Variants in SSBP4 observed in about 807,000 individuals in gnomAD.
SSBP4 encodes single stranded DNA binding protein 4.
In SSBP4, 33 loss-of-function variants were observed where a neutral mutation model predicts 64.6. That is an observed-to-expected ratio of 0.51 (90% confidence interval 0.39 to 0.68). The LOEUF is 0.68. Ranked by LOEUF, SSBP4 falls within the 30% of genes least tolerant of loss-of-function variation. The pLI is 0.00. For synonymous variants in SSBP4, 243 were observed against 224.0 expected (o/e 1.08, Z -0.76); for missense variants, 583 against 566.8 (o/e 1.03, Z -0.29).
Position 18,432,900 on chromosome 19 carries a change from G to A in SSBP4, c.841+17G>A. ...GCCCTGGAGGTATGGCCTAGTAAGA[G>A]GTGGGGGTGTGCTAGGGTGGGTGTG... On this transcript the variant is annotated intron_variant, in intron 13 of 17. Coordinates refer to ENST00000270061, the MANE Select transcript of SSBP4 (RefSeq NM_032627.5). The A allele has an allele frequency of 6.2e-7, 1 of 1,614,030 alleles. No individual in the cohort carries two copies. Among genetic ancestry groups the A allele is most frequent in the African/African-American group, 1.3e-5 (1 of 75,022 alleles).
chr19:18,409,737 C>T, the SSBP4 span, among the ~76,000 whole-genome samples: 2 of 152,044 alleles, frequency 1.3e-5, no homozygotes, highest in Admixed American at 6.6e-5. Context: ...CCAGGCTGGC[C>T]TCAAATTGCT....
chr19:18,419,730 G>C (rs1437530995), intron 1 of SSBP4, 23 bp downstream of exon 1: 3 of 1,141,318 alleles, frequency 2.6e-6, no homozygotes, highest in African/African-American at 1.6e-5. Context: ...CCGGGGGCGG[G>C]GCTCGGCGTC....
Position 18,434,384 on chromosome 19 carries a change from G to A in SSBP4, c.*138G>A, listed in dbSNP as rs1973838210. On this transcript the variant is annotated 3_prime_UTR_variant, in exon 18 of 18. Coordinates refer to ENST00000270061, the MANE Select transcript of SSBP4 (RefSeq NM_032627.5). ...CTTGCCCAGCTGGGAGGCCCCACACGAAAGACTCTTACCATTTTATTAAAA... is the reference window on the plus strand; with the variant it reads ...CTTGCCCAGCTGGGAGGCCCCACACAAAAGACTCTTACCATTTTATTAAAA... 2 of 1,417,676 alleles carry A rather than the reference G, an allele frequency of 1.4e-6. No individual in the cohort carries two copies. Among genetic ancestry groups the A allele is most frequent in the Non-Finnish European group, 1.9e-6 (2 of 1,077,032 alleles). 87.8% of individuals were successfully genotyped at this position (1,417,676 alleles called of 1,614,324 possible). A position where few individuals can be genotyped will look rare whatever the true frequency, so the allele number is the denominator to read the frequency against.
Position 18,433,705 on chromosome 19 carries a change from C to T in SSBP4, c.1021-5C>T. 1 of 1,429,908 alleles carries T rather than the reference C, an allele frequency of 7.0e-7. No homozygotes were observed. Among genetic ancestry groups the T allele is most frequent in the Non-Finnish European group, 9.1e-7 (1 of 1,103,222 alleles). 88.6% of individuals were successfully genotyped at this position (1,429,908 alleles called of 1,614,324 possible). Reference sequence around the variant, plus strand: ...GAGTTGCGAGCCGACGGCGGCCGCCCCCAGAGTTCCCCCGGCGCCGTGGCC... The same window carrying T: ...GAGTTGCGAGCCGACGGCGGCCGCCTCCAGAGTTCCCCCGGCGCCGTGGCC... On this transcript the variant is annotated splice_region_variant and splice_polypyrimidine_tract_variant and intron_variant, in intron 16 of 17. Coordinates refer to ENST00000270061, the MANE Select transcript of SSBP4 (RefSeq NM_032627.5).
upstream of SSBP4, among the ~76,000 whole-genome samples, chr19:18,415,952 C>G (rs1972128059): frequency 6.6e-6 from 1 of 152,180 alleles, no homozygotes. Context: ...GCCCCTTCCC[C>G]GGGGCAACCT....
chr19:18,433,280 C>T (rs1003719226), intron 15 of SSBP4, 67 bp downstream of exon 15: 7 of 1,517,098 alleles, frequency 4.6e-6, no homozygotes, highest in Middle Eastern at 3.4e-4. Flanking sequence ...GCTGCTTCCC[C>T]CTGCCGTCAG....
chr19:18,431,971 C>T, intron 8 of SSBP4, 29 bp from the exon 9 acceptor site: 1 of 1,551,868 alleles, frequency 6.4e-7, no homozygotes, highest in South Asian at 1.2e-5. Flanking sequence ...GGTCCAGGTC[C>T]AAGTCCCCTT....
rs1485233998 is a variant in SSBP4, at chr19:18,431,773, C to A, written c.496-20C>A. 1.3e-6 allele frequency: 2 copies of A among 1,536,980 alleles called. No individual in the cohort carries two copies. The highest frequency in any genetic ancestry group is 1.4e-5 in the African/African-American group (1 of 72,626). On this transcript the variant is annotated intron_variant, in intron 7 of 17. Coordinates refer to ENST00000270061, the MANE Select transcript of SSBP4 (RefSeq NM_032627.5). ...GGGAGGGAGCACCCCACACTCAGTG[C>A]CGCCGCACCCCCTCCGCAGCCTCCC...
intron 15 of SSBP4, 127 bp downstream of exon 15, chr19:18,433,340 C>A: frequency 7.5e-7 from 1 of 1,339,260 alleles, no homozygotes; most frequent in Non-Finnish European, 1.0e-6. Flanking sequence ...CCCCCGGGGG[C>A]CGCTCAGTGA....
intron 1 of SSBP4, among the ~76,000 whole-genome samples, 183 bp downstream of exon 1, chr19:18,419,890 C>T (rs1184885493): frequency 7.3e-6 from 1 of 136,122 alleles, no homozygotes; most frequent in Non-Finnish European, 1.6e-5. Context: ...GCGGGGGGCG[C>T]GCGAGACCCT....
At chr19:18,417,839 G>C (rs533392093), upstream of SSBP4, among the ~76,000 whole-genome samples, 8 of 152,168 alleles carry the variant, frequency 5.3e-5, no homozygotes, top group South Asian at 1.0e-3. The surrounding 1 kb of genome is among the most constrained non-coding windows in gnomAD (Gnocchi z 5.4). Flanking sequence ...CTGGAGCCCC[G>C]GCGGCTCCCG....
the SSBP4 span, among the ~76,000 whole-genome samples, chr19:18,403,109 T>C: frequency 2.0e-5 from 3 of 152,204 alleles, no homozygotes; most frequent in Non-Finnish European, 2.9e-5. Context: ...TCGGCTGAGA[T>C]GTTTGGGTGG....
At position 18,431,634 on chromosome 19, in the gene SSBP4, C is replaced by T. The variant is rs1973390979; in HGVS notation, c.436-13C>T. The stretch of plus-strand genomic sequence containing the variant: ...GGTGGGGGAAGGTGCTGATCCCCGC[C>T]CACCTCTTCCAGCCCTTCATGTCAC... On this transcript the variant is annotated splice_polypyrimidine_tract_variant and intron_variant, in intron 6 of 17. Transcript: ENST00000270061. 1.3e-6 allele frequency: 2 copies of T among 1,542,368 alleles called. No homozygotes were observed. Among genetic ancestry groups the T allele is most frequent in the Non-Finnish European group, 8.8e-7 (1 of 1,141,662 alleles).
the SSBP4 span, among the ~76,000 whole-genome samples, chr19:18,407,439 C>T: frequency 2.0e-5 from 3 of 151,990 alleles, no homozygotes; most frequent in Non-Finnish European, 2.9e-5. Flanking sequence ...GTTTTTGAGA[C>T]GGAGTCTCGT....
the SSBP4 span, among the ~76,000 whole-genome samples, chr19:18,410,727 G>C: frequency 2.6e-5 from 4 of 151,962 alleles, no homozygotes; most frequent in African/African-American, 4.8e-5. Context: ...TCAAGGGGAT[G>C]CTGGGGGCGG....
At chr19:18,412,546 G>A in the SSBP4 span, among the ~76,000 whole-genome samples, 70 of 151,408 alleles carry the variant, frequency 4.6e-4, 1 homozygote, top group South Asian at 0.013. Flanking sequence ...AGGGTACCTC[G>A]AAGTCAGATC....
At chr19:18,433,467 C>CT (rs1973663571) in intron 15 of SSBP4, 118 bp from the exon 16 acceptor site, 1 of 1,484,344 alleles carries the variant, frequency 6.7e-7, no homozygotes, top group Non-Finnish European at 9.1e-7. Context: ...TCCTGGCGGG[C>CT]TGTGCGGGGC....
rs758824744 is a variant in SSBP4, at chr19:18,433,144, G to A, written c.922G>A (p.Gly308Ser). The A allele has an allele frequency of 3.1e-6, 5 of 1,604,426 alleles. No homozygotes were observed. The South Asian group carries it at 3.3e-5, about 11-fold the overall frequency. The change falls in exon 15 of 18, where the codon GGC becomes AGC. Residue 308 changes from glycine to serine, a missense_variant. By Grantham distance (56) the Gly-to-Ser change is moderately conservative. Coordinates refer to ENST00000270061, the MANE Select transcript of SSBP4 (RefSeq NM_032627.5). ...GTCCCCATGCCCGCAGTTCCCGCTCGGCCCTGGCCCGGAGGGCCCCATGGC... is the reference window on the plus strand; with the variant it reads ...GTCCCCATGCCCGCAGTTCCCGCTCAGCCCTGGCCCGGAGGGCCCCATGGC... ...QGAGRANFPL[G>S]PGPEGPMAAM...
rs1972637712 is a variant in SSBP4 at position 18,423,866 on chromosome 19, C to G, written c.60-3485C>G. Reference sequence around the variant, plus strand: ...ACAGGCCCTGAGAGGTTGTACCGGCCCAGGGCAGGTGGCCGGTGGGGGGCA... The same window carrying G: ...ACAGGCCCTGAGAGGTTGTACCGGCGCAGGGCAGGTGGCCGGTGGGGGGCA... On this transcript the variant is annotated intron_variant, in intron 1 of 17. Coordinates refer to ENST00000270061, the MANE Select transcript of SSBP4 (RefSeq NM_032627.5). This position sits in a 1 kb window ranked among gnomAD's most constrained non-coding sequence, Gnocchi z 4.0. Among the ~76,000 whole-genome samples, 1 of 152,092 alleles carries G rather than the reference C, an allele frequency of 6.6e-6. No individual in the cohort carries two copies. Among genetic ancestry groups the G allele is most frequent in the African/African-American group, 2.4e-5 (1 of 41,420 alleles).
Sources: allele counts gnomAD v4.1 joint callset (sites outside exome capture counted in the v4.1 genomes callset), GRCh38; gene constraint gnomAD v4.1.1; non-coding constraint Gnocchi (gnomAD v3.1); transcripts MANE v1.5; gene names NCBI Gene and HGNC (gene_info 2026-07-23, HGNC 2026-07-21).